The following RAI1 variants were observed in gnomAD, a reference collection of about 807,000 sequenced individuals.
The protein encoded by RAI1 is retinoic acid induced 1.
A neutral mutation model predicts 123.8 loss-of-function variants in RAI1; 9 were observed. The ratio of observed to expected loss-of-function variants is 0.07; its 90% CI spans 0.04 to 0.13. The LOEUF is 0.13. Among genes scored for constraint, RAI1 ranks in the 10% least tolerant of loss-of-function variants. The probability of loss-of-function intolerance (pLI) is 1.00; values close to 1 mark genes in which losing one functional copy is unlikely to be tolerated. For synonymous variants in RAI1, 1,231 were observed against 1,127.3 expected (o/e 1.09, Z -1.84); for missense variants, 2,256 against 2,545.8 (o/e 0.89, Z 2.45).
At position 17,794,424 on chromosome 17, in the gene RAI1, C is replaced by T. The variant is rs200887225; in HGVS notation, c.1476C>T (p.Pro492=). 76 of 1,612,990 alleles carry T rather than the reference C, an allele frequency of 4.7e-5. No individual in the cohort carries two copies. The highest frequency in any genetic ancestry group is 4.4e-4 in the African/African-American group (33 of 75,072). Reference sequence around the variant, plus strand: ...AAGGGAGCGGCTACTCAGCCGAGCCCGCAGGCACACCGCTGTCAGAGCCGC... The same window carrying T: ...AAGGGAGCGGCTACTCAGCCGAGCCTGCAGGCACACCGCTGTCAGAGCCGC... The part of the protein sequence containing the change: ...SPEGSGYSAE[P]AGTPLSEPPS... Residue 492 remains proline, a synonymous_variant, in exon 3 of 6, where the codon CCC becomes CCT. Coordinates refer to ENST00000353383, the MANE Select transcript of RAI1 (RefSeq NM_030665.4).
chr17:17,726,740 G>A (rs1209009773), intron 2 of RAI1, among the ~76,000 whole-genome samples: 2 of 151,762 alleles, frequency 1.3e-5, no homozygotes, highest in Admixed American at 1.3e-4. Flanking sequence ...AAAAAAAAGA[G>A]AAAAATAAGG....
intron 2 of RAI1, among the ~76,000 whole-genome samples, chr17:17,727,049 G>A (rs1916115413): frequency 6.6e-6 from 1 of 152,178 alleles, no homozygotes; most frequent in Non-Finnish European, 1.5e-5. Flanking sequence ...TGATGTAGTG[G>A]ATATATTTTG....
chr17:17,766,001 G>C (rs1389844229), intron 2 of RAI1: 2 of 152,214 alleles, frequency 1.3e-5, no homozygotes, highest in Non-Finnish European at 2.9e-5. Context: ...CTTTGAACTT[G>C]GATTCATCAC....
chr17:17,683,178 C>T (rs1914503567), intron 1 of RAI1, among the ~76,000 whole-genome samples: 1 of 152,218 alleles, frequency 6.6e-6, no homozygotes, highest in South Asian at 2.1e-4. Context: ...TAAGACCTCG[C>T]GCTGACGTCA....
At chr17:17,744,789 CAAAAAAA>C (rs58984430) in intron 2 of RAI1, among the ~76,000 whole-genome samples, 59 of 46,810 alleles carry the variant, frequency 1.3e-3, no homozygotes, top group African/African-American at 2.9e-3. Context: ...GACTCCGTCT[CAAAAAAA>C]AAAAAAAAAA....
At chr17:17,753,391 C>T (rs1260337245) in intron 2 of RAI1, among the ~76,000 whole-genome samples, 2 of 152,256 alleles carry the variant, frequency 1.3e-5, no homozygotes, top group Non-Finnish European at 2.9e-5. Context: ...AAAATCTCCA[C>T]ACCCCTTACC....
chr17:17,803,085 C>CCA (rs2032512167), intron 3 of RAI1, among the ~76,000 whole-genome samples: 2 of 55,946 alleles, frequency 3.6e-5, no homozygotes, highest in African/African-American at 1.2e-4. Context: ...AATTCTGTCT[C>CCA]AAAAAAAAAA....
intron 2 of RAI1, among the ~76,000 whole-genome samples, chr17:17,767,329 A>G (rs933762586): frequency 6.6e-6 from 1 of 152,148 alleles, no homozygotes; most frequent in Non-Finnish European, 1.5e-5. Flanking sequence ...CTCTCCATTA[A>G]CCAGAATTTG....
At position 17,797,249 on chromosome 17, in the gene RAI1, C is replaced by T; in HGVS notation, c.4301C>T (p.Ala1434Val). Residue 1434 changes from alanine to valine, a missense_variant, in exon 3 of 6, where the codon GCC becomes GTC. By Grantham distance (64) the Ala-to-Val change is moderately conservative. Around this residue, in one of 7 missense-constraint regions of RAI1, gnomAD observed 410 missense variants for 374.6 expected, o/e 1.09. Transcript: ENST00000353383. Reference sequence around the variant, plus strand: ...ACCGAGGCCTTCACATCCCCGGAGGCCCTGCAGCCTGGGGGGACTGCCCTG... The same window carrying T: ...ACCGAGGCCTTCACATCCCCGGAGGTCCTGCAGCCTGGGGGGACTGCCCTG... ...FKTEAFTSPE[A>V]LQPGGTALAP... The T allele has an allele frequency of 6.2e-7, 1 of 1,613,406 alleles. No homozygotes were observed. The highest frequency in any genetic ancestry group is 8.5e-7 in the Non-Finnish European group (1 of 1,180,038).
chr17:17,749,443 A>C (rs1301024920), intron 2 of RAI1, among the ~76,000 whole-genome samples: 2 of 152,250 alleles, frequency 1.3e-5, no homozygotes, highest in Non-Finnish European at 2.9e-5. Flanking sequence ...GGAATGAATG[A>C]GCATCCAGGA....
intron 1 of RAI1, among the ~76,000 whole-genome samples, chr17:17,700,858 G>A (rs982469973): frequency 1.3e-5 from 2 of 152,238 alleles, no homozygotes; most frequent in Non-Finnish European, 2.9e-5. Context: ...GGCATTCAAG[G>A]CCCTTCGGGA....
rs867038386 is a variant in RAI1, at chr17:17,724,172, G to A, written c.-17+13G>A. On this transcript the variant is annotated intron_variant, in intron 2 of 5. Transcript: ENST00000353383. ...GAGGAGCCCGCAGGTATTGTTGGCG[G>A]CGGAGCTTTGTGTTTTCGGCGGGCT... The A allele has an allele frequency of 2.4e-4, 37 of 151,886 alleles. No individual in the cohort carries two copies. The highest frequency in any genetic ancestry group is 2.9e-4 in the African/African-American group (12 of 41,360). 9.4% of individuals were successfully genotyped at this position (151,886 alleles called of 1,614,324 possible).
chr17:17,807,028 C>T (rs1044047966), intron 4 of RAI1, among the ~76,000 whole-genome samples: 4 of 152,088 alleles, frequency 2.6e-5, no homozygotes, highest in African/African-American at 9.7e-5. Flanking sequence ...TCTCGCCCAC[C>T]ATCAGCAGGC....
Position 17,797,842 on chromosome 17 carries a change from T to G in RAI1, c.4894T>G (p.Ser1632Ala), listed in dbSNP as rs62639318. The G allele has an allele frequency of 3.1e-6, 5 of 1,613,928 alleles. No homozygotes were observed. In the African/African-American group the frequency reaches 5.3e-5, roughly 17 times the overall value. ...KPHRKPSSSA[S>A]SSSSSSSFSL... is the part of the protein sequence containing the mutation. ...CCACAGGAAGCCTTCCTCCTCTGCC[T>G]CCTCTTCCTCATCCTCGTCCTCGTT... The change falls in exon 3 of 6, where the codon TCC (serine) becomes GCC (alanine). Residue 1632 changes from serine (S) to alanine (A), a missense_variant. Ser to Ala is a moderately conservative substitution (Grantham distance 99). Coordinates refer to ENST00000353383, the MANE Select transcript of RAI1 (RefSeq NM_030665.4).
At chr17:17,762,365 T>C (rs1289305372) in intron 2 of RAI1, among the ~76,000 whole-genome samples, 1 of 151,910 alleles carries the variant, frequency 6.6e-6, no homozygotes, top group East Asian at 1.9e-4. Flanking sequence ...GAGGAGCCAG[T>C]GGGAGCCAGT....
At chr17:17,703,810 C>T (rs1474203984) in intron 1 of RAI1, among the ~76,000 whole-genome samples, 1 of 152,320 alleles carries the variant, frequency 6.6e-6, no homozygotes, top group East Asian at 1.9e-4. Flanking sequence ...CTAGCTGGGA[C>T]TGTTTTCAAA....
chr17:17,714,149 T>A lies in RAI1; in HGVS notation c.-148-9879T>A, dbSNP rs939780252. Among the ~76,000 whole-genome samples the A allele has an allele frequency of 3.3e-5, 5 of 152,144 alleles. No homozygotes were observed. The highest frequency in any genetic ancestry group is 1.2e-4 in the African/African-American group (5 of 41,422). On this transcript the variant is annotated intron_variant, in intron 1 of 5. Transcript: ENST00000353383. This position sits in a 1 kb window ranked among gnomAD's most constrained non-coding sequence, Gnocchi z 4.9. ...TGGGCAGCCCTGCCTGCTAGCAAGC[T>A]CTTCCTTATATGGAGGTGAAATCTG...
chr17:17,783,137 CCTCATGG>C (rs2031668919), intron 2 of RAI1, among the ~76,000 whole-genome samples: 1 of 152,202 alleles, frequency 6.6e-6, no homozygotes, highest in African/African-American at 2.4e-5. Flanking sequence ...GCCGCCTCCG[CCTCATGG>C]CGAGTGCAGC....
intron 2 of RAI1, among the ~76,000 whole-genome samples, chr17:17,735,556 C>A (rs1009871095): frequency 6.6e-6 from 1 of 151,936 alleles, no homozygotes; most frequent in Admixed American, 6.6e-5. Flanking sequence ...GGGGTTTCAC[C>A]ATGTTGGTCA....
Sources: allele counts gnomAD v4.1 joint callset (sites outside exome capture counted in the v4.1 genomes callset), GRCh38; gene constraint gnomAD v4.1.1; regional missense constraint gnomAD v4.1.1; non-coding constraint Gnocchi (gnomAD v3.1); transcripts MANE v1.5; gene names NCBI Gene and HGNC (gene_info 2026-07-23, HGNC 2026-07-21).